STEAP1B: variants seen among roughly 807,000 people sequenced by gnomAD.
STEAP1B encodes STEAP family member 1B, also known as STEAP family protein MGC87042.
A neutral mutation model predicts 27.9 loss-of-function variants in STEAP1B; 13 were observed. The ratio of observed to expected loss-of-function variants is 0.47; its 90% CI spans 0.30 to 0.74. The LOEUF is 0.74. Among genes scored for constraint, STEAP1B ranks in the 30% least tolerant of loss-of-function variants. STEAP1B has a pLI of 0.06. For synonymous variants in STEAP1B, 86 were observed against 107.1 expected (o/e 0.80, Z 1.22); for missense variants, 250 against 298.7 (o/e 0.84, Z 1.20).
chr7:22,461,329 C>G (rs1039620052), intron 4 of STEAP1B, among the ~76,000 whole-genome samples: 1 of 152,202 alleles, frequency 6.6e-6, no homozygotes, highest in Non-Finnish European at 1.5e-5. Flanking sequence ...ATGGCATGAT[C>G]TCGGCTCACT....
chr7:22,425,606 T>C (rs1785095844), intron 4 of STEAP1B, among the ~76,000 whole-genome samples: 1 of 152,228 alleles, frequency 6.6e-6, no homozygotes, highest in South Asian at 2.1e-4. Flanking sequence ...TTGCTTAAAG[T>C]ACAGACTGTT....
chr7:22,443,270 G>A (rs1785361863), intron 4 of STEAP1B, among the ~76,000 whole-genome samples: 1 of 152,142 alleles, frequency 6.6e-6, no homozygotes, highest in Admixed American at 6.5e-5. Context: ...GAAAATCCTA[G>A]TATCATGTTC....
intron 4 of STEAP1B, among the ~76,000 whole-genome samples, chr7:22,459,833 G>A (rs1382613440): frequency 6.6e-6 from 1 of 152,192 alleles, no homozygotes; most frequent in Non-Finnish European, 1.5e-5. Context: ...AGTGAGCGCA[G>A]CATGAATTTT....
In STEAP1B at chr7:22,460,154, C is replaced by T. The variant is rs369769818; in HGVS notation, c.762+32411G>A. Among the ~76,000 whole-genome samples, 11 of 151,816 alleles carry T rather than the reference C, an allele frequency of 7.2e-5. No individual in the cohort carries two copies. The South Asian group carries it at 1.5e-3, about 20-fold the overall frequency. ...GTGAAACCCCGTCTCTACAAAAAAA[C>T]GTTTTAAAAAGATTAGCTGGGCATG... On this transcript the variant is annotated intron_variant, in intron 4 of 4. Transcript: ENST00000678116.
At chr7:22,498,017 C>T (rs866805150) in intron 1 of STEAP1B, among the ~76,000 whole-genome samples, 10 of 152,112 alleles carry the variant, frequency 6.6e-5, no homozygotes, top group African/African-American at 2.4e-4. Context: ...TCATAAGGAG[C>T]ACACAACCTA....
rs1786415693 is a variant in STEAP1B, at chr7:22,495,049, T to C, written c.-31-163A>G. Among the ~76,000 whole-genome samples, 3 of 152,244 alleles carry C rather than the reference T, an allele frequency of 2.0e-5. No individual in the cohort carries two copies. The South Asian group carries it at 6.2e-4, about 31-fold the overall frequency. On this transcript the variant is annotated intron_variant, in intron 1 of 4. Coordinates refer to ENST00000678116, the MANE Select transcript of STEAP1B (RefSeq NM_001382447.1). Reference sequence around the variant, plus strand: ...TTATACATTTAACTTCATATTATAATCTGTAAGTTTCAAACCAATGCCCTC... The same window carrying C: ...TTATACATTTAACTTCATATTATAACCTGTAAGTTTCAAACCAATGCCCTC...
At chr7:22,440,406 A>G (rs935411478) in intron 4 of STEAP1B, among the ~76,000 whole-genome samples, 1 of 152,212 alleles carries the variant, frequency 6.6e-6, no homozygotes. Context: ...GACAAGCTGT[A>G]TTTTGTAATA....
At chr7:22,431,928 T>C (rs1188592038) in intron 4 of STEAP1B, among the ~76,000 whole-genome samples, 1 of 152,198 alleles carries the variant, frequency 6.6e-6, no homozygotes, top group Non-Finnish European at 1.5e-5. Flanking sequence ...TGCCAGTCCC[T>C]AGCTGCTCCA....
rs546454869 is a variant in STEAP1B at position 22,465,321 on chromosome 7, G to A, written c.762+27244C>T. 4.6e-5 allele frequency among the ~76,000 whole-genome samples: 7 copies of A among 152,200 alleles called. 1 individual carries two copies. The highest frequency in any genetic ancestry group is 3.9e-4 in the East Asian group (2 of 5,162). ...AGACCATGGTCGACCTTGGATAAGCGAAACCACAGAAAGCAAAACCTCAGA... is the reference window on the plus strand; with the variant it reads ...AGACCATGGTCGACCTTGGATAAGCAAAACCACAGAAAGCAAAACCTCAGA... On this transcript the variant is annotated intron_variant, in intron 4 of 4. Coordinates refer to ENST00000678116, the MANE Select transcript of STEAP1B (RefSeq NM_001382447.1).
chr7:22,456,972 A>ATATATATTTTTTTTTT, intron 4 of STEAP1B, among the ~76,000 whole-genome samples: 1 of 57,042 alleles, frequency 1.8e-5, no homozygotes, highest in African/African-American at 7.0e-5. Flanking sequence ...ATATATATAT[A>ATATATATTTTTTTTTT]TTTTTTTTTT....
At chr7:22,459,637 C>A (rs1785644793) in intron 4 of STEAP1B, among the ~76,000 whole-genome samples, 2 of 152,184 alleles carry the variant, frequency 1.3e-5, no homozygotes, top group Non-Finnish European at 2.9e-5. Context: ...CTCCTCCTGG[C>A]ACAAAGAAAG....
At chr7:22,489,481 CT>C (rs1786280351) in intron 4 of STEAP1B, among the ~76,000 whole-genome samples, 1 of 152,164 alleles carries the variant, frequency 6.6e-6, no homozygotes, top group African/African-American at 2.4e-5. Flanking sequence ...TGTGACCTTA[CT>C]GGGAGATAGG....
chr7:22,465,458 CT>C (rs375350626), intron 4 of STEAP1B, among the ~76,000 whole-genome samples: 3,062 of 152,250 alleles, frequency 0.02, 124 homozygotes, highest in African/African-American at 0.07. Context: ...AATCAACACT[CT>C]TATCTTTTAG....
At position 22,493,633 on chromosome 7, in the gene STEAP1B, G is replaced by A. The variant is rs558014734; in HGVS notation, c.288C>T (p.His96=). The A allele has an allele frequency of 1.4e-5, 23 of 1,613,948 alleles. No individual in the cohort carries two copies. In the South Asian group the frequency reaches 2.2e-4, roughly 15 times the overall value. The change falls in exon 3 of 5, where the codon CAC becomes CAT. Residue 96 remains histidine, a synonymous_variant. Transcript: ENST00000678116. The stretch of plus-strand genomic sequence containing the variant: ...ATTGTTGATGGGAAGTTGCTAAAGG[G>A]TGAATTACTTCCCTCAGAAGAGTGT... ...FLYTLLREVI[H]PLATSHQQYF...
At chr7:22,482,692 A>G (rs899299923) in intron 4 of STEAP1B, among the ~76,000 whole-genome samples, 2 of 152,210 alleles carry the variant, frequency 1.3e-5, no homozygotes, top group Non-Finnish European at 2.9e-5. Flanking sequence ...CATTTGGCCA[A>G]GGGCAATTCT....
At chr7:22,494,271 G>A (rs1320466257) in intron 2 of STEAP1B, among the ~76,000 whole-genome samples, 1 of 151,436 alleles carries the variant, frequency 6.6e-6, no homozygotes, top group Non-Finnish European at 1.5e-5. Context: ...TTAATCCTGT[G>A]TTTGACCAAA....
intron 4 of STEAP1B, among the ~76,000 whole-genome samples, chr7:22,462,711 T>G (rs377134351): frequency 6.6e-6 from 1 of 151,336 alleles, no homozygotes. Flanking sequence ...TGTGTCTTTA[T>G]AGCAGCATGA....
intron 4 of STEAP1B, among the ~76,000 whole-genome samples, chr7:22,465,793 A>G (rs1785768190): frequency 1.3e-5 from 2 of 152,168 alleles, no homozygotes; most frequent in Admixed American, 6.5e-5. Flanking sequence ...TTATGCATAG[A>G]AATAGTCCAG....
At chr7:22,440,597 G>C (rs1785318822) in intron 4 of STEAP1B, among the ~76,000 whole-genome samples, 1 of 152,154 alleles carries the variant, frequency 6.6e-6, no homozygotes, top group African/African-American at 2.4e-5. Context: ...AGCATCTGTA[G>C]AGAGAGTATT....
Sources: gnomAD v4.1 joint callset for allele counts (sites outside exome capture counted in the v4.1 genomes callset) on GRCh38, gnomAD v4.1.1 for gene constraint, MANE v1.5 for transcripts, NCBI Gene and HGNC (gene_info 2026-07-23, HGNC 2026-07-21) for gene names.